The following LGSN variants were observed in gnomAD, a reference collection of about 807,000 sequenced individuals.
LGSN encodes the protein lengsin.
Under a neutral mutation model 19.5 loss-of-function variants are expected in LGSN, and 21 were observed. That is an observed-to-expected ratio of 1.07 (90% confidence interval 0.76 to 1.55). The LOEUF (loss-of-function observed/expected upper bound fraction) is 1.55. Ranked by LOEUF, LGSN falls within the 40% of genes most tolerant of loss-of-function variation. The probability of loss-of-function intolerance (pLI) is 0.00; values close to 1 mark genes in which losing one functional copy is unlikely to be tolerated. For synonymous variants in LGSN, 257 were observed against 215.6 expected, an observed-to-expected ratio of 1.19 and a Z score of -1.68; for missense variants, 673 against 608.5, an observed-to-expected ratio of 1.11 and a Z score of -1.12.
the LGSN span, among the ~76,000 whole-genome samples, chr6:63,494,380 T>C: frequency 6.6e-6 from 1 of 152,168 alleles, no homozygotes; most frequent in Non-Finnish European, 1.5e-5. Flanking sequence ...AGACATATTA[T>C]ATGTAACATG....
At chr6:63,544,500 C>T in the LGSN span, among the ~76,000 whole-genome samples, 3 of 151,350 alleles carry the variant, frequency 2.0e-5, no homozygotes, top group African/African-American at 7.3e-5. Flanking sequence ...ATAGTCTTAG[C>T]TCATCTACAC....
At chr6:63,498,816 A>G in the LGSN span, among the ~76,000 whole-genome samples, 1 of 152,084 alleles carries the variant, frequency 6.6e-6, no homozygotes, top group Non-Finnish European at 1.5e-5. Flanking sequence ...AACAATGAAA[A>G]GTGGTATTGG....
chr6:63,348,661 G>A, the LGSN span, among the ~76,000 whole-genome samples: 8 of 150,646 alleles, frequency 5.3e-5, no homozygotes, highest in Non-Finnish European at 1.0e-4. Flanking sequence ...AGTAATCTGT[G>A]TTTGGTAGGA....
the LGSN span, among the ~76,000 whole-genome samples, chr6:63,431,065 A>G: frequency 6.6e-6 from 1 of 152,188 alleles, no homozygotes. Flanking sequence ...TTTGTAGTCT[A>G]CAAAGTGCTT....
chr6:63,368,520 C>A, the LGSN span, among the ~76,000 whole-genome samples: 1 of 152,186 alleles, frequency 6.6e-6, no homozygotes, highest in African/African-American at 2.4e-5. Context: ...CTCCTTCAAG[C>A]CTCTATTAAA....
At chr6:63,325,829 A>G in the LGSN span, among the ~76,000 whole-genome samples, 4 of 152,140 alleles carry the variant, frequency 2.6e-5, no homozygotes, top group African/African-American at 9.7e-5. Flanking sequence ...GTGTGGACCC[A>G]AAGAGTGAGC....
At chr6:63,470,933 C>CTTTTTTTTTTT in the LGSN span, among the ~76,000 whole-genome samples, 1 of 73,066 alleles carries the variant, frequency 1.4e-5, no homozygotes, top group African/African-American at 4.9e-5. Context: ...TTCAGTCTTT[C>CTTTTTTTTTTT]TTTTTTTTTT....
At chr6:63,401,945 C>T in the LGSN span, among the ~76,000 whole-genome samples, 1 of 152,180 alleles carries the variant, frequency 6.6e-6, no homozygotes, top group Admixed American at 6.5e-5. Context: ...GAGTAAAGCT[C>T]CCAGTGACGA....
the LGSN span, among the ~76,000 whole-genome samples, chr6:63,367,848 A>T: frequency 1.3e-5 from 2 of 152,046 alleles, no homozygotes; most frequent in South Asian, 4.1e-4. Context: ...AGGACAGAAA[A>T]CTAAACACTG....
At chr6:63,435,345 G>C in the LGSN span, among the ~76,000 whole-genome samples, 1 of 152,196 alleles carries the variant, frequency 6.6e-6, no homozygotes, top group African/African-American at 2.4e-5. Flanking sequence ...GTCAAGTTTT[G>C]CATGTGTTAA....
At chr6:63,302,491 A>G (rs1225933764) in intron 1 of LGSN, among the ~76,000 whole-genome samples, 1 of 152,218 alleles carries the variant, frequency 6.6e-6, no homozygotes, top group Non-Finnish European at 1.5e-5. Flanking sequence ...ATACATTTGG[A>G]CGGGATAGGA....
chr6:63,451,624 G>A, the LGSN span, among the ~76,000 whole-genome samples: 1 of 152,024 alleles, frequency 6.6e-6, no homozygotes, highest in Non-Finnish European at 1.5e-5. Context: ...GGAGGGAGAG[G>A]ATCAGGAAAA....
the LGSN span, among the ~76,000 whole-genome samples, chr6:63,388,952 C>T: frequency 0.016 from 2,406 of 152,222 alleles, 73 homozygotes; most frequent in African/African-American, 0.054. Flanking sequence ...TCTTAGGATG[C>T]ATATATTTAA....
chr6:63,367,354 T>C, the LGSN span, among the ~76,000 whole-genome samples: 2 of 152,210 alleles, frequency 1.3e-5, no homozygotes, highest in African/African-American at 4.8e-5. Context: ...TCATCATTAC[T>C]GATCATCAGA....
At chr6:63,519,198 T>C in the LGSN span, among the ~76,000 whole-genome samples, 1 of 151,946 alleles carries the variant, frequency 6.6e-6, no homozygotes, top group South Asian at 2.1e-4. Context: ...TCCCAGCTAC[T>C]CAGAAGGCTG....
chr6:63,448,008 G>A, the LGSN span, among the ~76,000 whole-genome samples: 2 of 152,134 alleles, frequency 1.3e-5, no homozygotes, highest in South Asian at 2.1e-4. Context: ...GATTCTCATA[G>A]TTCCATAAAA....
chr6:63,482,642 C>A, the LGSN span, among the ~76,000 whole-genome samples: 2 of 152,106 alleles, frequency 1.3e-5, no homozygotes, highest in Non-Finnish European at 2.9e-5. Context: ...ACGAGAATTG[C>A]TTGAACCCAG....
chr6:63,482,568 A>T, the LGSN span, among the ~76,000 whole-genome samples: 2 of 152,158 alleles, frequency 1.3e-5, no homozygotes, highest in African/African-American at 4.8e-5. Context: ...ATCTCTACTA[A>T]AAATACAAAA....
chr6:63,548,684 T>G, the LGSN span: 1 of 515,036 alleles, frequency 1.9e-6, no homozygotes, highest in Non-Finnish European at 3.5e-6. Context: ...TATTTTTATG[T>G]ACAGAAAACT....
Sources: gnomAD v4.1 joint callset for allele counts (sites outside exome capture counted in the v4.1 genomes callset) on GRCh38, gnomAD v4.1.1 for gene constraint, MANE v1.5 for transcripts, NCBI Gene and HGNC (gene_info 2026-07-23, HGNC 2026-07-21) for gene names.